CCDC91: variants seen among roughly 807,000 people sequenced by gnomAD.
CCDC91 encodes coiled-coil domain containing 91.
A neutral mutation model predicts 63.2 loss-of-function variants in CCDC91; 48 were observed. That is an observed-to-expected ratio of 0.76 (90% CI 0.60 to 0.97). The LOEUF is 0.97. Ranked by LOEUF, CCDC91 falls within the 50% of genes least tolerant of loss-of-function variation. The pLI is 0.00. For synonymous variants in CCDC91, 167 were observed against 165.8 expected, an observed-to-expected ratio of 1.01 and a Z score of -0.06; for missense variants, 500 against 494.6, an observed-to-expected ratio of 1.01 and a Z score of -0.10.
chr12:28,217,332 T>C (rs1278184090), intron 1 of CCDC91, among the ~76,000 whole-genome samples: 1 of 152,136 alleles, frequency 6.6e-6, no homozygotes, highest in African/African-American at 2.4e-5. Flanking sequence ...AGTTTGCAAA[T>C]GAGCTAAGTT....
chr12:28,267,333 A>G (rs1947258004), intron 3 of CCDC91, among the ~76,000 whole-genome samples: 1 of 151,498 alleles, frequency 6.6e-6, no homozygotes, highest in African/African-American at 2.4e-5. Context: ...CTGTAGAAGT[A>G]CTTATAGATT....
chr12:28,323,943 T>G (rs1166682102), intron 6 of CCDC91, among the ~76,000 whole-genome samples: 2 of 151,876 alleles, frequency 1.3e-5, no homozygotes, highest in Admixed American at 6.6e-5. Context: ...ATCTGAAAAT[T>G]TTGTTAGAAA....
At chr12:28,292,324 A>G (rs1949300951) in intron 3 of CCDC91, among the ~76,000 whole-genome samples, 1 of 152,228 alleles carries the variant, frequency 6.6e-6, no homozygotes, top group African/African-American at 2.4e-5. Flanking sequence ...TTTTCAATTT[A>G]TTTCACCCTT....
intron 12 of CCDC91, among the ~76,000 whole-genome samples, chr12:28,494,274 C>T (rs1177382353): frequency 6.6e-6 from 1 of 151,614 alleles, no homozygotes; most frequent in African/African-American, 2.4e-5. Flanking sequence ...AAGGAAGCCT[C>T]CTTTTTTTCT....
At chr12:28,235,246 G>A (rs1364618202) in intron 1 of CCDC91, among the ~76,000 whole-genome samples, 1 of 152,108 alleles carries the variant, frequency 6.6e-6, no homozygotes, top group Non-Finnish European at 1.5e-5. Flanking sequence ...CACATTCAAG[G>A]GGAGGAGACA....
intron 8 of CCDC91, among the ~76,000 whole-genome samples, chr12:28,424,647 A>C (rs373918157): frequency 6.6e-6 from 1 of 152,264 alleles, no homozygotes; most frequent in East Asian, 1.9e-4. Context: ...GATGTGTCAT[A>C]TTAATAATTT....
chr12:28,389,976 C>G (rs1442498122), intron 7 of CCDC91, among the ~76,000 whole-genome samples: 1 of 152,038 alleles, frequency 6.6e-6, no homozygotes, highest in Non-Finnish European at 1.5e-5. Flanking sequence ...TTGGAAGACA[C>G]TGTAAATCAA....
chr12:28,462,367 TA>T (rs1950348806), intron 11 of CCDC91, among the ~76,000 whole-genome samples: 1 of 152,130 alleles, frequency 6.6e-6, no homozygotes, highest in Non-Finnish European at 1.5e-5. Context: ...TTTCAATTTT[TA>T]TATATTATCT....
intron 11 of CCDC91, among the ~76,000 whole-genome samples, chr12:28,477,818 AACAG>A (rs1951196159): frequency 6.6e-6 from 1 of 152,280 alleles, no homozygotes; most frequent in East Asian, 1.9e-4. Context: ...ATACACCAAT[AACAG>A]ACAAACAGAG....
chr12:28,319,095 A>T (rs1234748078), intron 6 of CCDC91, among the ~76,000 whole-genome samples: 3 of 151,990 alleles, frequency 2.0e-5, no homozygotes, highest in Non-Finnish European at 4.4e-5. Context: ...TCTGTTCCAA[A>T]TGTTTTTTAA....
At chr12:28,343,152 A>G (rs1419503224) in intron 6 of CCDC91, among the ~76,000 whole-genome samples, 1 of 150,974 alleles carries the variant, frequency 6.6e-6, no homozygotes, top group East Asian at 2.0e-4. Context: ...AGACTGAAAT[A>G]GAGTGAGAGC....
At chr12:28,279,275 T>C (rs1948442693) in intron 3 of CCDC91, among the ~76,000 whole-genome samples, 1 of 152,024 alleles carries the variant, frequency 6.6e-6, no homozygotes, top group African/African-American at 2.4e-5. Context: ...AGCTTTAGGA[T>C]TGGGAAACTG....
chr12:28,398,446 A>C lies in CCDC91; in HGVS notation c.762+7035A>C, dbSNP rs111472443. Among the ~76,000 whole-genome samples, 272 of 152,236 alleles carry C rather than the reference A, an allele frequency of 1.8e-3. 1 individual carries two copies. Among genetic ancestry groups the C allele is most frequent in the African/African-American group, 6.4e-3 (265 of 41,552 alleles). ...ATTCATTCACTTATTAAATATTTAG[A>C]TTGCTTAAATTTGGGGCTGCTTTAA... is the stretch of plus-strand genomic sequence containing the variant. On this transcript the variant is annotated intron_variant, in intron 8 of 12. Coordinates refer to ENST00000536442, the MANE Select transcript of CCDC91 (RefSeq NM_018318.5).
rs370134884 is a variant in CCDC91, at chr12:28,264,905, C to T, written c.109+5463C>T. ...GTTTCAGACACCAAATGCCATGACC[C>T]GTGCACCTTATTTCATTTTCAGTGA... On this transcript the variant is annotated intron_variant, in intron 3 of 12. Coordinates refer to ENST00000536442, the MANE Select transcript of CCDC91 (RefSeq NM_018318.5). 3.6e-4 allele frequency among the ~76,000 whole-genome samples: 54 copies of T among 151,978 alleles called. 1 individual carries two copies. In the South Asian group the frequency reaches 4.0e-3, roughly 11 times the overall value.
At chr12:28,494,415 C>A (rs772309188) in intron 12 of CCDC91, among the ~76,000 whole-genome samples, 3 of 151,664 alleles carry the variant, frequency 2.0e-5, no homozygotes, top group Non-Finnish European at 2.9e-5. Flanking sequence ...GCAGGAGGTA[C>A]AAGGTGCATT....
chr12:28,471,269 T>C (rs117909438), intron 11 of CCDC91, among the ~76,000 whole-genome samples: 65 of 152,302 alleles, frequency 4.3e-4, no homozygotes, highest in South Asian at 2.9e-3. Flanking sequence ...CAATAACCTA[T>C]GAAATTCCGC....
chr12:28,281,015 G>T (rs1430451081), intron 3 of CCDC91, among the ~76,000 whole-genome samples: 1 of 151,608 alleles, frequency 6.6e-6, no homozygotes, highest in East Asian at 1.9e-4. Flanking sequence ...ATGCAATATG[G>T]CTTTCTGTTT....
At chr12:28,443,046 G>A (rs1050755165) in intron 8 of CCDC91, among the ~76,000 whole-genome samples, 14 of 151,920 alleles carry the variant, frequency 9.2e-5, no homozygotes, top group African/African-American at 3.4e-4. Flanking sequence ...AGCTAAAAAG[G>A]TTTCTAGTAT....
At chr12:28,507,217 A>G (rs1405338827) in intron 12 of CCDC91, among the ~76,000 whole-genome samples, 1 of 151,996 alleles carries the variant, frequency 6.6e-6, no homozygotes, top group Non-Finnish European at 1.5e-5. Context: ...GAGATGCTAA[A>G]CAATCTTAGT....
Sources: allele counts gnomAD v4.1 joint callset (sites outside exome capture counted in the v4.1 genomes callset), GRCh38; gene constraint gnomAD v4.1.1; transcripts MANE v1.5; gene names NCBI Gene and HGNC (gene_info 2026-07-23, HGNC 2026-07-21).